Variants in REV3L observed in about 807,000 individuals in gnomAD.
REV3L encodes the protein DNA polymerase zeta catalytic subunit.
A neutral mutation model predicts 299.4 loss-of-function variants in REV3L; 69 were observed. The ratio of observed to expected loss-of-function variants is 0.23; its 90% CI spans 0.19 to 0.28. The LOEUF (loss-of-function observed/expected upper bound fraction) is 0.28, where lower values mean the gene tolerates loss of function less well. Among genes scored for constraint, REV3L ranks in the 10% least tolerant of loss-of-function variants. REV3L has a pLI of 1.00. For missense variants in REV3L, 3,128 were observed against 3,693.8 expected (o/e 0.85, Z 3.97); for synonymous variants, 1,238 against 1,271.4 (o/e 0.97, Z 0.56).
chr6:111,431,217 T>C (rs1786885437), intron 1 of REV3L: 3 of 1,563,306 alleles, frequency 1.9e-6, no homozygotes, highest in African/African-American at 1.4e-5. Context: ...GTTTACTGGA[T>C]GTTTTAACAA....
In REV3L at chr6:111,333,152, G is replaced by A. The variant is rs762451089; in HGVS notation, c.7896C>T (p.Thr2632=). ...CCAAGTTCTCCACATGGCCAAGGCA[G>A]GTGGAAAAGCAGTAGTTATATGCAA... is the stretch of plus-strand genomic sequence containing the variant. The part of the protein sequence containing the change: ...IVIAYNYCFS[T]CLGHVENLGK... Residue 2632 remains threonine, a synonymous_variant, in exon 23 of 32, where the codon ACC becomes ACT. Coordinates refer to ENST00000368802, the MANE Select transcript of REV3L (RefSeq NM_001372078.1). 8.7e-6 allele frequency: 14 copies of A among 1,614,020 alleles called. No homozygotes were observed. The South Asian group carries it at 1.4e-4, about 16-fold the overall frequency.
At chr6:111,326,093 C>T (rs779529270) in intron 25 of REV3L, among the ~76,000 whole-genome samples, 5 of 151,996 alleles carry the variant, frequency 3.3e-5, no homozygotes, top group Admixed American at 6.6e-5. Flanking sequence ...TTGCAAATGA[C>T]GGGATTTTAT....
chr6:111,422,643 TATATAC>T (rs1185994312), intron 1 of REV3L, among the ~76,000 whole-genome samples: 3 of 25,128 alleles, frequency 1.2e-4, no homozygotes, highest in Non-Finnish European at 3.3e-4. Context: ...CATATATATA[TATATAC>T]ATATATATAT....
At chr6:111,331,892 T>C in intron 23 of REV3L, 108 bp from the exon 24 acceptor site, 2 of 722,428 alleles carry the variant, frequency 2.8e-6, no homozygotes, top group Admixed American at 2.6e-5. Context: ...TTTTCAAACA[T>C]CTAAACAAGA....
chr6:111,452,990 A>G (rs1789732888), intron 1 of REV3L, among the ~76,000 whole-genome samples: 1 of 152,096 alleles, frequency 6.6e-6, no homozygotes, highest in African/African-American at 2.4e-5. Context: ...GTCATTCTTT[A>G]CATATTTTAA....
Position 111,449,682 on chromosome 6 carries a change from G to T in REV3L, c.139+33068C>A, listed in dbSNP as rs553430402. On this transcript the variant is annotated intron_variant, in intron 1 of 31. Transcript: ENST00000368802. The stretch of plus-strand genomic sequence containing the variant: ...GTTTGTTCTGTTCCCACCCAACTAA[G>T]CATAAAAAGACTTGAAAGGATTACA... 3.3e-5 allele frequency among the ~76,000 whole-genome samples: 5 copies of T among 152,222 alleles called. No homozygotes were observed. In the South Asian group the frequency reaches 1.0e-3, roughly 32 times the overall value.
chr6:111,343,868 T>C lies in REV3L; in HGVS notation c.7538+57A>G, dbSNP rs1623806. The C allele has an allele frequency of 0.51, 614,172 of 1,209,728 alleles. 163,379 individuals carry two copies. Among genetic ancestry groups the C allele is most frequent in the Non-Finnish European group, 0.55 (469,803 of 850,492 alleles). 74.9% of individuals were successfully genotyped at this position (1,209,728 alleles called of 1,614,324 possible). On this transcript the variant is annotated intron_variant, in intron 21 of 31. Coordinates refer to ENST00000368802, the MANE Select transcript of REV3L (RefSeq NM_001372078.1). ...TTAAATGTGTGCATTTTATTACATATAAATTACATCTCAATGATGATTTTA... is the reference window on the plus strand; with the variant it reads ...TTAAATGTGTGCATTTTATTACATACAAATTACATCTCAATGATGATTTTA...
chr6:111,379,998 G>T lies in REV3L; in HGVS notation c.1438C>A (p.His480Asn). The change falls in exon 11 of 32, where the codon CAT becomes AAT. Residue 480 changes from histidine (H) to asparagine (N), a missense_variant. By Grantham distance (68) the His-to-Asn change is moderately conservative. Coordinates refer to ENST00000368802, the MANE Select transcript of REV3L (RefSeq NM_001372078.1). ...SQRWDSNIEE[H>N]CAKKRSLCRN... Reference sequence around the variant, plus strand: ...AAAAATTACCTCTTTTTGGCACAATGTTCTTCAATATTGCTGTCCCATCTC... The same window carrying T: ...AAAAATTACCTCTTTTTGGCACAATTTTCTTCAATATTGCTGTCCCATCTC... 3 of 1,609,914 alleles carry T rather than the reference G, an allele frequency of 1.9e-6. No homozygotes were observed. Among genetic ancestry groups the T allele is most frequent in the Non-Finnish European group, 2.5e-6 (3 of 1,177,178 alleles).
rs141014155 is a variant in REV3L, at chr6:111,435,831, C to T, written c.140-19359G>A. Among the ~76,000 whole-genome samples the T allele has an allele frequency of 2.6e-4, 39 of 152,230 alleles. No individual in the cohort carries two copies. In the East Asian group the frequency reaches 7.3e-3, roughly 29 times the overall value. ...TAGACAAAAGGATTACATCAAGCTTCTGTTGAGCAAAGGAAACAATCAATG... is the reference window on the plus strand; with the variant it reads ...TAGACAAAAGGATTACATCAAGCTTTTGTTGAGCAAAGGAAACAATCAATG... On this transcript the variant is annotated intron_variant, in intron 1 of 31. Coordinates refer to ENST00000368802, the MANE Select transcript of REV3L (RefSeq NM_001372078.1).
rs548019493 is a variant in REV3L at position 111,346,045 on chromosome 6, T to A, written c.7420-2002A>T. ...AGTAATTCCTATTTTACTGAGAAAATGAATCACAAGAGAACTTCCACAGAT... is the reference window on the plus strand; with the variant it reads ...AGTAATTCCTATTTTACTGAGAAAAAGAATCACAAGAGAACTTCCACAGAT... On this transcript the variant is annotated intron_variant, in intron 20 of 31. Transcript: ENST00000368802. Among the ~76,000 whole-genome samples the A allele has an allele frequency of 5.9e-5, 9 of 152,286 alleles. No individual in the cohort carries two copies. In the East Asian group the frequency reaches 1.7e-3, roughly 29 times the overall value.
At chr6:111,341,584 CATTA>C (rs746189100) in intron 21 of REV3L, among the ~76,000 whole-genome samples, 1 of 152,164 alleles carries the variant, frequency 6.6e-6, no homozygotes, top group Non-Finnish European at 1.5e-5. Context: ...AAATTAGACA[CATTA>C]ATTTAAGGAC....
chr6:111,309,731 G>A, intron 30 of REV3L, 122 bp downstream of exon 30: 6 of 1,119,718 alleles, frequency 5.4e-6, no homozygotes, highest in Non-Finnish European at 7.5e-6. Flanking sequence ...TCATTTTACG[G>A]GACCACACTC....
intron 4 of REV3L, among the ~76,000 whole-genome samples, chr6:111,394,595 C>G (rs899714986): frequency 2.0e-5 from 3 of 152,044 alleles, no homozygotes; most frequent in Non-Finnish European, 4.4e-5. Context: ...CTTTGCTGTG[C>G]AGAAGCTTTT....
chr6:111,438,863 T>A (rs1252697856), intron 1 of REV3L, among the ~76,000 whole-genome samples: 1 of 152,106 alleles, frequency 6.6e-6, no homozygotes, highest in Non-Finnish European at 1.5e-5. Flanking sequence ...ACACATTAAC[T>A]AAACTTGTCA....
At position 111,329,563 on chromosome 6, in the gene REV3L, G is replaced by A. The variant is rs1775181370; in HGVS notation, c.8210C>T (p.Ala2737Val). The change falls in exon 25 of 32, where the codon GCT becomes GTT. Residue 2737 changes from alanine (A) to valine (V), a missense_variant. Ala to Val is a moderately conservative substitution (Grantham distance 64). Coordinates refer to ENST00000368802, the MANE Select transcript of REV3L (RefSeq NM_001372078.1). ...IANVTFGYTSANFSGRMPCIE... is the reference protein window; with the variant it reads ...IANVTFGYTSVNFSGRMPCIE... ...GCATGGCATTCTCCCAGAAAAATTA[G>A]CAGATGTATAGCCAAATGTGACATT... The A allele has an allele frequency of 6.2e-7, 1 of 1,614,090 alleles. No homozygotes were observed. The highest frequency in any genetic ancestry group is 1.1e-5 in the South Asian group (1 of 91,076).
intron 1 of REV3L, among the ~76,000 whole-genome samples, chr6:111,421,458 T>C (rs368548730): frequency 3.3e-5 from 5 of 152,156 alleles, no homozygotes; most frequent in Non-Finnish European, 5.9e-5. Context: ...GAAGCAGCTG[T>C]ATGCAATACT....
chr6:111,382,784 C>T (rs919995469), intron 9 of REV3L, among the ~76,000 whole-genome samples: 6 of 151,506 alleles, frequency 4.0e-5, no homozygotes, highest in Non-Finnish European at 8.8e-5. Flanking sequence ...ATTTGTGTCA[C>T]CCCCCCTCCC....
At chr6:111,443,064 A>C (rs9487644) in intron 1 of REV3L, among the ~76,000 whole-genome samples, 102,549 of 151,762 alleles carry the variant, frequency 0.68, 36,858 homozygotes, top group Non-Finnish European at 0.82. Flanking sequence ...AAGTCCTTTT[A>C]TTTGAATTTG....
chr6:111,369,238 C>T (rs536982429), intron 13 of REV3L, among the ~76,000 whole-genome samples: 11 of 142,588 alleles, frequency 7.7e-5, no homozygotes, highest in East Asian at 4.1e-4. Flanking sequence ...GCCGAAATCA[C>T]GCCACTGCAC....
Sources: allele counts gnomAD v4.1 joint callset (sites outside exome capture counted in the v4.1 genomes callset), GRCh38; gene constraint gnomAD v4.1.1; transcripts MANE v1.5; gene names NCBI Gene and HGNC (gene_info 2026-07-23, HGNC 2026-07-21).